Variants in TRPC5 observed in about 807,000 individuals in gnomAD.
TRPC5 encodes short transient receptor potential channel 5.
Under a neutral mutation model 56.5 loss-of-function variants are expected in TRPC5, and 9 were observed. The observed-to-expected ratio is 0.16, with a 90% CI of 0.10 to 0.28. The LOEUF is 0.28. Among genes scored for constraint, TRPC5 ranks in the 10% least tolerant of loss-of-function variants. The probability of loss-of-function intolerance (pLI) is 1.00; values close to 1 mark genes in which losing one functional copy is unlikely to be tolerated. For synonymous variants in TRPC5, 282 were observed against 278.5 expected (o/e 1.01, Z -0.13); for missense variants, 469 against 748.9 (o/e 0.63, Z 4.36).
At chrX:111,830,536 G>A in intron 7 of TRPC5, among the ~76,000 whole-genome samples, 1 of 111,415 alleles carries the variant, frequency 9.0e-6, no homozygotes, top group Middle Eastern at 4.6e-3. Context: ...TATATTAGGG[G>A]AGGGACCTCC....
At chrX:111,914,831 G>C (rs1925927114) in intron 2 of TRPC5, among the ~76,000 whole-genome samples, 1 of 111,859 alleles carries the variant, frequency 8.9e-6, no homozygotes, top group Non-Finnish European at 1.9e-5. Flanking sequence ...ATAAAGCCTA[G>C]AGTTGGGAGA....
chrX:111,782,290 T>G, intron 7 of TRPC5, 152 bp from the exon 8 acceptor site: 2 of 427,535 alleles, frequency 4.7e-6, no homozygotes, highest in Non-Finnish European at 7.7e-6. Flanking sequence ...CCAGTAACCC[T>G]ACTCTTAGAA....
At chrX:111,785,175 G>A (rs1354903263) in intron 7 of TRPC5, among the ~76,000 whole-genome samples, 11 of 111,990 alleles carry the variant, frequency 9.8e-5, no homozygotes, top group Non-Finnish European at 1.7e-4. Flanking sequence ...TGTCCCTCTG[G>A]GATGAAGCTT....
intron 2 of TRPC5, among the ~76,000 whole-genome samples, chrX:111,921,028 T>C (rs1033177688): frequency 8.9e-6 from 1 of 112,088 alleles, no homozygotes; most frequent in African/African-American, 3.2e-5. Flanking sequence ...CTATTTCTTA[T>C]TGGGTGGAAT....
rs1369107447 is a variant in TRPC5, at chrX:111,774,044, G to A, written c.*2269C>T. Among the ~76,000 whole-genome samples, 1 of 111,489 alleles carries A rather than the reference G, an allele frequency of 9.0e-6. No individual in the cohort carries two copies. Among genetic ancestry groups the A allele is most frequent in the Non-Finnish European group, 1.9e-5 (1 of 53,037 alleles). On this transcript the variant is annotated 3_prime_UTR_variant, in exon 11 of 11. Transcript: ENST00000262839. ...TAAAGTCTTAAGCCCAAGTCACAAC[G>A]ATAACCCTGAGAAGATCTGAAAAGG...
chrX:112,077,242 C>T (rs1930855835), intron 1 of TRPC5, among the ~76,000 whole-genome samples: 1 of 111,625 alleles, frequency 9.0e-6, no homozygotes, highest in South Asian at 3.8e-4. Flanking sequence ...GGTAAATAAA[C>T]AAATCCTATG....
chrX:111,912,726 G>A lies in TRPC5; in HGVS notation c.465C>T (p.Tyr155=), dbSNP rs141725174. Residue 155 remains tyrosine, a synonymous_variant, in exon 3 of 11, where the codon TAC becomes TAT. Transcript: ENST00000262839. ...PIMLAAHTNN[Y]EIIKLLVQKR... is the part of the protein sequence containing the mutation. ...TTTGGACAAGCAATTTGATGATTTC[G>A]TAGTTGTTGGTGTGGGCAGCCAGCA... 11 of 1,206,836 alleles carry A rather than the reference G, an allele frequency of 9.1e-6. No individual in the cohort carries two copies. The highest frequency in any genetic ancestry group is 3.5e-5 in the South Asian group (2 of 56,711).
intron 1 of TRPC5, among the ~76,000 whole-genome samples, chrX:111,962,978 C>T (rs1464607828): frequency 9.0e-6 from 1 of 111,490 alleles, no homozygotes; most frequent in Non-Finnish European, 1.9e-5. Context: ...ACAGTGGGAG[C>T]AGAACAGTGG....
intron 2 of TRPC5, among the ~76,000 whole-genome samples, chrX:111,928,332 A>G (rs1248189563): frequency 8.9e-6 from 1 of 112,213 alleles, no homozygotes; most frequent in African/African-American, 3.2e-5. Context: ...TCATGTTAAC[A>G]TCATTCAACT....
intron 2 of TRPC5, among the ~76,000 whole-genome samples, chrX:111,931,778 G>A (rs377582642): frequency 9.0e-6 from 1 of 111,354 alleles, no homozygotes; most frequent in Non-Finnish European, 1.9e-5. Context: ...TATGAGCTTG[G>A]ACAAGTTATT....
rs187335421 is a variant in TRPC5 at position 111,864,111 on chromosome X, C to A, written c.901-10005G>T. Among the ~76,000 whole-genome samples, 814 of 110,745 alleles carry A rather than the reference C, an allele frequency of 7.4e-3. 4 individuals carry two copies. Among genetic ancestry groups the A allele is most frequent in the African/African-American group, 0.025 (773 of 30,392 alleles). ...ACGCCATTCTCCTGCCTCAGCCTCC[C>A]GAGTAGCTGGGAGTACAGGTGCCTG... On this transcript the variant is annotated intron_variant, in intron 3 of 10. Coordinates refer to ENST00000262839, the MANE Select transcript of TRPC5 (RefSeq NM_012471.3).
chrX:111,997,611 T>A (rs1406182760), intron 1 of TRPC5, among the ~76,000 whole-genome samples: 2 of 111,092 alleles, frequency 1.8e-5, no homozygotes, highest in Non-Finnish European at 3.8e-5. Flanking sequence ...ATTGTTCCCA[T>A]CACTTTTAGG....
intron 1 of TRPC5, among the ~76,000 whole-genome samples, chrX:111,963,495 G>T (rs1927457203): frequency 8.9e-6 from 1 of 112,137 alleles, no homozygotes. Context: ...CCAGCACGCA[G>T]CTGGAGATCT....
intron 1 of TRPC5, among the ~76,000 whole-genome samples, chrX:112,063,383 T>A (rs1260693577): frequency 1.8e-5 from 2 of 112,154 alleles, no homozygotes; most frequent in Non-Finnish European, 3.8e-5. Context: ...GCTAAATAAC[T>A]TTTATCCATT....
intron 7 of TRPC5, among the ~76,000 whole-genome samples, chrX:111,803,871 T>A (rs1603035314): frequency 8.9e-6 from 1 of 111,958 alleles, no homozygotes. Context: ...CCCATTTGTC[T>A]ATTTTGGCTT....
At chrX:111,900,049 G>A (rs746025848) in intron 3 of TRPC5, among the ~76,000 whole-genome samples, 36 of 111,357 alleles carry the variant, frequency 3.2e-4, no homozygotes, top group Non-Finnish European at 5.5e-4. Context: ...GCTAAGTGGA[G>A]ATACTATACA....
intron 1 of TRPC5, among the ~76,000 whole-genome samples, chrX:112,048,075 T>C (rs1053308841): frequency 2.7e-5 from 3 of 111,582 alleles, no homozygotes; most frequent in Admixed American, 1.9e-4. Flanking sequence ...CCAATGCTGT[T>C]TGTAGTTGGG....
intron 1 of TRPC5, among the ~76,000 whole-genome samples, chrX:111,995,349 C>T (rs1928494634): frequency 8.9e-6 from 1 of 111,858 alleles, no homozygotes; most frequent in Non-Finnish European, 1.9e-5. Context: ...TTTTGATATG[C>T]TGCTGGATTC....
chrX:111,959,096 G>A (rs1468705694), intron 1 of TRPC5, among the ~76,000 whole-genome samples: 2 of 112,142 alleles, frequency 1.8e-5, no homozygotes, highest in Non-Finnish European at 3.8e-5. Flanking sequence ...GCCATATGAA[G>A]AAATAAAGAA....
Sources: allele counts gnomAD v4.1 joint callset (sites outside exome capture counted in the v4.1 genomes callset), GRCh38; gene constraint gnomAD v4.1.1; transcripts MANE v1.5; gene names NCBI Gene and HGNC (gene_info 2026-07-23, HGNC 2026-07-21).